Variants in SNTB1 observed in about 807,000 individuals in gnomAD.
SNTB1 encodes syntrophin beta 1, also known as beta-1-syntrophin.
In SNTB1, 36 loss-of-function variants were observed where a neutral mutation model predicts 48.9. The ratio of observed to expected loss-of-function variants is 0.74; its 90% CI spans 0.56 to 0.97. The LOEUF (loss-of-function observed/expected upper bound fraction) is 0.97, where lower values mean the gene tolerates loss of function less well. Among genes scored for constraint, SNTB1 ranks in the 50% least tolerant of loss-of-function variants. The pLI is 0.00. For synonymous variants in SNTB1, 299 were observed against 294.6 expected, an observed-to-expected ratio of 1.01 and a Z score of -0.15; for missense variants, 786 against 703.4, an observed-to-expected ratio of 1.12 and a Z score of -1.33.
At chr8:120,666,460 C>T (rs1817674234) in intron 2 of SNTB1, among the ~76,000 whole-genome samples, 1 of 151,932 alleles carries the variant, frequency 6.6e-6, no homozygotes, top group Admixed American at 6.6e-5. Flanking sequence ...CTTTGTTCCT[C>T]TTATTATAGA....
At chr8:120,693,571 T>C (rs2129862332) in intron 2 of SNTB1, 121 bp downstream of exon 2, 2 of 801,538 alleles carry the variant, frequency 2.5e-6, no homozygotes, top group African/African-American at 1.7e-5. Flanking sequence ...GGCCCTTTCA[T>C]GCTTTTCTTT....
At chr8:120,731,275 A>T (rs1439215673) in intron 1 of SNTB1, among the ~76,000 whole-genome samples, 3 of 152,374 alleles carry the variant, frequency 2.0e-5, no homozygotes, top group African/African-American at 7.2e-5. Context: ...GAAAGAAAAG[A>T]AAAAGAATTC....
At chr8:120,685,092 G>T (rs1466823872) in intron 2 of SNTB1, among the ~76,000 whole-genome samples, 1 of 152,214 alleles carries the variant, frequency 6.6e-6, no homozygotes, top group Non-Finnish European at 1.5e-5. Context: ...CAGCCAATGT[G>T]GCAGTTCTTA....
chr8:120,619,040 A>G (rs748567559), intron 3 of SNTB1, among the ~76,000 whole-genome samples: 1 of 152,228 alleles, frequency 6.6e-6, no homozygotes, highest in Non-Finnish European at 1.5e-5. Flanking sequence ...GTTAGTTTCT[A>G]CTAAAGCCAT....
intron 4 of SNTB1, among the ~76,000 whole-genome samples, chr8:120,566,678 G>A (rs917215288): frequency 2.0e-5 from 3 of 152,192 alleles, no homozygotes; most frequent in Non-Finnish European, 4.4e-5. Flanking sequence ...AACACCTGGA[G>A]GCTTGTTAAA....
intron 2 of SNTB1, among the ~76,000 whole-genome samples, chr8:120,690,323 G>T (rs1347162306): frequency 1.3e-5 from 2 of 152,086 alleles, no homozygotes; most frequent in Admixed American, 6.5e-5. Context: ...AATAAGGGGG[G>T]ATTACTGTAT....
intron 2 of SNTB1, among the ~76,000 whole-genome samples, chr8:120,642,900 G>T (rs1238956702): frequency 6.6e-6 from 1 of 152,166 alleles, no homozygotes; most frequent in Non-Finnish European, 1.5e-5. Context: ...GACAGAGCAA[G>T]ACCCTTACTG....
intron 3 of SNTB1, among the ~76,000 whole-genome samples, chr8:120,575,974 A>G (rs1383694578): frequency 6.6e-6 from 1 of 152,078 alleles, no homozygotes; most frequent in African/African-American, 2.4e-5. Flanking sequence ...AACTTCCTAT[A>G]TGTTCCTCTG....
chr8:120,728,967 C>T (rs1283286716), intron 1 of SNTB1, among the ~76,000 whole-genome samples: 3 of 151,768 alleles, frequency 2.0e-5, no homozygotes, highest in African/African-American at 7.3e-5. Flanking sequence ...GCCTCTCCAG[C>T]ATCTGTTGTT....
intron 1 of SNTB1, among the ~76,000 whole-genome samples, chr8:120,719,787 G>C (rs1243705520): frequency 6.6e-6 from 1 of 151,810 alleles, no homozygotes; most frequent in Non-Finnish European, 1.5e-5. Context: ...TGGTGTGCTG[G>C]TGTCTGCTCT....
chr8:120,553,703 A>C (rs2130658011), intron 4 of SNTB1, among the ~76,000 whole-genome samples: 1 of 152,316 alleles, frequency 6.6e-6, no homozygotes, highest in East Asian at 1.9e-4. Flanking sequence ...AAATTCTTAA[A>C]ATTTTCTCTA....
chr8:120,780,234 C>T (rs971427833), intron 1 of SNTB1, among the ~76,000 whole-genome samples: 1 of 152,210 alleles, frequency 6.6e-6, no homozygotes, highest in Admixed American at 6.5e-5. Flanking sequence ...TTTCTTTTCA[C>T]CCCACCACCA....
chr8:120,548,103 C>A (rs559046531), intron 5 of SNTB1, among the ~76,000 whole-genome samples: 3 of 152,068 alleles, frequency 2.0e-5, no homozygotes, highest in African/African-American at 7.2e-5. Context: ...TCATGAGAGA[C>A]CTGGTTGTTT....
At chr8:120,775,289 C>A (rs1416690970) in intron 1 of SNTB1, 1 of 152,084 alleles carries the variant, frequency 6.6e-6, no homozygotes, top group Non-Finnish European at 1.5e-5. Flanking sequence ...TGAATCCCAG[C>A]GACATTCATT....
At chr8:120,657,066 C>G (rs948545965) in intron 2 of SNTB1, among the ~76,000 whole-genome samples, 2 of 152,192 alleles carry the variant, frequency 1.3e-5, no homozygotes, top group African/African-American at 2.4e-5. Flanking sequence ...GGTTAAATAT[C>G]TCCATTTTCA....
chr8:120,582,744 C>T (rs1816069569), intron 3 of SNTB1, among the ~76,000 whole-genome samples: 1 of 151,822 alleles, frequency 6.6e-6, no homozygotes, highest in Non-Finnish European at 1.5e-5. Context: ...GAATATCACA[C>T]ACTGGGGCCT....
chr8:120,733,685 AG>A (rs1818890954), intron 1 of SNTB1, among the ~76,000 whole-genome samples: 1 of 152,218 alleles, frequency 6.6e-6, no homozygotes, highest in Admixed American at 6.5e-5. Context: ...CTAAGATTTC[AG>A]GGTTTTCATT....
At chr8:120,561,183 CG>C (rs1563817495) in intron 4 of SNTB1, among the ~76,000 whole-genome samples, 1 of 151,678 alleles carries the variant, frequency 6.6e-6, no homozygotes, top group African/African-American at 2.4e-5. Context: ...AAAAATTAGA[CG>C]GGCATGGTAG....
chr8:120,582,375 GA>G (rs1216981161), intron 3 of SNTB1, among the ~76,000 whole-genome samples: 9 of 151,190 alleles, frequency 6.0e-5, no homozygotes, highest in Admixed American at 5.9e-4. Context: ...TAACAAACTA[GA>G]AATAGAAAAA....
Sources: gnomAD v4.1 joint callset for allele counts (sites outside exome capture counted in the v4.1 genomes callset) on GRCh38, gnomAD v4.1.1 for gene constraint, MANE v1.5 for transcripts, NCBI Gene and HGNC (gene_info 2026-07-23, HGNC 2026-07-21) for gene names.